KCNT1: variants seen among roughly 807,000 people sequenced by gnomAD.
KCNT1 encodes potassium channel subfamily T member 1.
In KCNT1, 78 loss-of-function variants were observed where a neutral mutation model predicts 147.8. The ratio of observed to expected loss-of-function variants is 0.53; its 90% CI spans 0.44 to 0.64. The LOEUF (loss-of-function observed/expected upper bound fraction) is 0.64. Ranked by LOEUF, KCNT1 falls within the 30% of genes least tolerant of loss-of-function variation. KCNT1 has a pLI of 0.00. For synonymous variants in KCNT1, 867 were observed against 748.8 expected, an observed-to-expected ratio of 1.16 and a Z score of -2.58; for missense variants, 1,419 against 1,750.3, an observed-to-expected ratio of 0.81 and a Z score of 3.38.
chr9:135,732,009 G>T (rs1219846821), intron 2 of KCNT1, among the ~76,000 whole-genome samples: 203 of 99,176 alleles, frequency 2.0e-3, no homozygotes, highest in Middle Eastern at 4.6e-3. Flanking sequence ...GAGAGAGAGA[G>T]AGAGAGAGAG....
Position 135,779,185 on chromosome 9 carries a change from C to T in KCNT1, c.2730-174C>T, listed in dbSNP as rs554919243. Among the ~76,000 whole-genome samples the T allele has an allele frequency of 1.7e-3, 260 of 148,964 alleles. 8 individuals are homozygous for T. The highest frequency in any genetic ancestry group is 0.017 in the Admixed American group (257 of 15,010). On this transcript the variant is annotated intron_variant, in intron 23 of 30. Transcript: ENST00000371757. Reference sequence around the variant, plus strand: ...CCTCTGCCCTGAGACCCCCCACAGCCGTGGGACCCTGCCCTGAGACCCCCA... The same window carrying T: ...CCTCTGCCCTGAGACCCCCCACAGCTGTGGGACCCTGCCCTGAGACCCCCA...
intron 24 of KCNT1, among the ~76,000 whole-genome samples, chr9:135,783,263 T>A (rs1433916959): frequency 6.6e-6 from 1 of 152,182 alleles, no homozygotes; most frequent in Non-Finnish European, 1.5e-5. Context: ...GTCAGGGTCC[T>A]TCTAGGGAGA....
rs1338940831 is a variant in KCNT1 at position 135,748,094 on chromosome 9, G to T, written c.255-2004G>T. The stretch of plus-strand genomic sequence containing the variant: ...GAAGCTGGGACTACAGGCACGTGCC[G>T]CCATGCCTGGCTACTTTTTATTGAG... On this transcript the variant is annotated intron_variant, in intron 2 of 30. Coordinates refer to ENST00000371757, the MANE Select transcript of KCNT1 (RefSeq NM_020822.3). Among the ~76,000 whole-genome samples the T allele has an allele frequency of 2.6e-5, 4 of 152,248 alleles. No individual in the cohort carries two copies. In the East Asian group the frequency reaches 7.7e-4, roughly 29 times the overall value.
Position 135,714,665 on chromosome 9 carries a change from C to T in KCNT1, c.199C>T (p.Arg67Cys), listed in dbSNP as rs1060503698. 3 of 1,486,326 alleles carry T rather than the reference C, an allele frequency of 2.0e-6. No homozygotes were observed. Among genetic ancestry groups the T allele is most frequent in the Non-Finnish European group, 2.7e-6 (3 of 1,109,178 alleles). 92.1% of individuals were successfully genotyped at this position (1,486,326 alleles called of 1,614,324 possible). A position where few individuals can be genotyped will look rare whatever the true frequency, so the allele number is the denominator to read the frequency against. The change falls in exon 2 of 31, where the codon CGC becomes TGC. Residue 67 changes from arginine to cysteine, a missense_variant. Coordinates refer to ENST00000371757, the MANE Select transcript of KCNT1 (RefSeq NM_020822.3). This position sits in a 1 kb window ranked among gnomAD's most constrained non-coding sequence, Gnocchi z 6.2. ...CTCCGAGGTGCTGCCCTTGCCGCCG[C>T]GCTACCGCTTCCGGGACCTGCTGCT... ...LDSEVLPLPP[R>C]YRFRDLLLGD...
At chr9:135,739,269 C>G (rs1491002175) in intron 2 of KCNT1, among the ~76,000 whole-genome samples, 1 of 152,090 alleles carries the variant, frequency 6.6e-6, no homozygotes, top group African/African-American at 2.4e-5. Flanking sequence ...AGCCTGAGGC[C>G]CCCACACAGC....
At chr9:135,791,977 C>T in intron 30 of KCNT1, 64 bp from the exon 31 acceptor site, 2 of 1,607,268 alleles carry the variant, frequency 1.2e-6, no homozygotes, top group Non-Finnish European at 1.7e-6. Context: ...GGCCGCTCAG[C>T]AGAGGGCTGA....
At chr9:135,729,494 G>A (rs1022787935) in intron 2 of KCNT1, among the ~76,000 whole-genome samples, 3 of 152,238 alleles carry the variant, frequency 2.0e-5, no homozygotes, top group Non-Finnish European at 4.4e-5. Context: ...TCAGCCTCAT[G>A]GGACCCTCTG....
chr9:135,753,497 C>G (rs1027802175), intron 4 of KCNT1, among the ~76,000 whole-genome samples: 3 of 152,206 alleles, frequency 2.0e-5, no homozygotes, highest in Non-Finnish European at 4.4e-5. Flanking sequence ...CTCCCTGTCT[C>G]TTGAACACTG....
rs1831219908 is a variant in KCNT1 at position 135,752,274 on chromosome 9, T to C, written c.434+1233T>C. On this transcript the variant is annotated intron_variant, in intron 4 of 30. Coordinates refer to ENST00000371757, the MANE Select transcript of KCNT1 (RefSeq NM_020822.3). This position sits in a 1 kb window ranked among gnomAD's most constrained non-coding sequence, Gnocchi z 5.1. ...GACCTAAAGGCGTCCATGTAAACTTTTGCTCAATCCCCCTTTTCACCTGTT... is the reference window on the plus strand; with the variant it reads ...GACCTAAAGGCGTCCATGTAAACTTCTGCTCAATCCCCCTTTTCACCTGTT... 3 of 442,398 alleles carry C rather than the reference T, an allele frequency of 6.8e-6. No homozygotes were observed. Among genetic ancestry groups the C allele is most frequent in the East Asian group, 7.0e-5 (1 of 14,288 alleles). The allele number at this position is 442,398 out of a possible 1,614,324, so 27.4% of individuals were successfully genotyped here.
chr9:135,732,012 A>G (rs1370241777), intron 2 of KCNT1, among the ~76,000 whole-genome samples: 12 of 112,664 alleles, frequency 1.1e-4, no homozygotes, highest in South Asian at 3.5e-4. Context: ...AGAGAGAGAG[A>G]GAGAGAGAGA....
rs878855057 is a variant in KCNT1 at position 135,759,745 on chromosome 9, C to T, written c.921C>T (p.Phe307=). Residue 307 remains phenylalanine, a synonymous_variant, in exon 11 of 31, where the codon TTC becomes TTT. Transcript: ENST00000371757. ...ENLSLLTSFY[F]CIVTFSTVGY... ...TGTCCCTCCTGACCTCCTTCTACTT[C>T]TGCATCGTCACCTTCTCCACCGTGG... 1.9e-6 allele frequency: 3 copies of T among 1,613,608 alleles called. No individual in the cohort carries two copies. Among genetic ancestry groups the T allele is most frequent in the Non-Finnish European group, 2.5e-6 (3 of 1,179,848 alleles).
intron 1 of KCNT1, among the ~76,000 whole-genome samples, chr9:135,713,113 G>T (rs1835570521): frequency 6.6e-6 from 1 of 152,204 alleles, no homozygotes; most frequent in East Asian, 1.9e-4. Context: ...GGAGGAGGCA[G>T]CCACGCCTGA....
chr9:135,788,106 T>C (rs752333255), intron 29 of KCNT1: 15 of 1,609,786 alleles, frequency 9.3e-6, no homozygotes, highest in Non-Finnish European at 1.3e-5. Flanking sequence ...GTAGAGGACG[T>C]AGCAAATTTA....
intron 23 of KCNT1, among the ~76,000 whole-genome samples, chr9:135,779,043 AACCACAGCCATGGG>A (rs1833400057): frequency 1.2e-5 from 1 of 85,164 alleles, no homozygotes; most frequent in Non-Finnish European, 2.3e-5. Flanking sequence ...AAACCCCCAC[AACCACAGCCATGGG>A]ACCACACCCT....
intron 11 of KCNT1, 57 bp from the exon 12 acceptor site, chr9:135,764,974 C>G: frequency 6.5e-7 from 1 of 1,546,782 alleles, no homozygotes; most frequent in Non-Finnish European, 8.8e-7. Context: ...GGTTCTTCAC[C>G]GGGAGCCCTC....
chr9:135,715,417 G>C (rs1462942685), intron 2 of KCNT1, among the ~76,000 whole-genome samples: 1 of 152,196 alleles, frequency 6.6e-6, no homozygotes, highest in Non-Finnish European at 1.5e-5. Context: ...CTGGGGAGGC[G>C]CTTTTTTGCC....
chr9:135,773,508 C>T (rs891206055), intron 19 of KCNT1, among the ~76,000 whole-genome samples: 2 of 152,224 alleles, frequency 1.3e-5, no homozygotes, highest in Admixed American at 6.5e-5. Flanking sequence ...GTGTCCCAGC[C>T]TGGAAACCAC....
At chr9:135,781,756 A>G (rs1182138698) in intron 24 of KCNT1, among the ~76,000 whole-genome samples, 1 of 152,126 alleles carries the variant, frequency 6.6e-6, no homozygotes, top group African/African-American at 2.4e-5. Flanking sequence ...GGAAGGAAAA[A>G]GGGAGGAGGT....
intron 16 of KCNT1, 81 bp from the exon 17 acceptor site, chr9:135,770,217 G>A (rs1239074232): frequency 6.7e-7 from 1 of 1,502,808 alleles, no homozygotes. Flanking sequence ...GAAGCAGAGG[G>A]GGGCACCTGC....
Sources: gnomAD v4.1 joint callset for allele counts (sites outside exome capture counted in the v4.1 genomes callset) on GRCh38, gnomAD v4.1.1 for gene constraint, Gnocchi (gnomAD v3.1) non-coding constraint, MANE v1.5 for transcripts, NCBI Gene and HGNC (gene_info 2026-07-23, HGNC 2026-07-21) for gene names.